The following PDHX variants were observed in gnomAD, a reference collection of about 807,000 sequenced individuals.
PDHX encodes the protein pyruvate dehydrogenase protein X component, mitochondrial.
Under a neutral mutation model 55.3 loss-of-function variants are expected in PDHX, and 33 were observed. The observed-to-expected ratio is 0.60, with a 90% CI of 0.45 to 0.80. PDHX has a LOEUF of 0.80. Ranked by LOEUF, PDHX falls within the 30% of genes least tolerant of loss-of-function variation. The probability of loss-of-function intolerance (pLI) is 0.00; values close to 1 mark genes in which losing one functional copy is unlikely to be tolerated. For synonymous variants in PDHX, 226 were observed against 219.4 expected, an observed-to-expected ratio of 1.03 and a Z score of -0.27; for missense variants, 622 against 619.9, an observed-to-expected ratio of 1.00 and a Z score of -0.04.
chr11:34,930,961 G>A (rs929732906), intron 1 of PDHX, among the ~76,000 whole-genome samples: 3 of 152,114 alleles, frequency 2.0e-5, no homozygotes, highest in East Asian at 3.8e-4. Context: ...TTCTGTTGTC[G>A]ATCATCAGAA....
chr11:34,964,387 T>G (rs1336788986), intron 5 of PDHX, among the ~76,000 whole-genome samples: 1 of 152,158 alleles, frequency 6.6e-6, no homozygotes, highest in Non-Finnish European at 1.5e-5. Flanking sequence ...GCGAATCACT[T>G]GAGGCCAGGA....
intron 6 of PDHX, 44 bp downstream of exon 6, chr11:34,966,858 C>CTT: frequency 1.1e-4 from 135 of 1,262,332 alleles, no homozygotes; most frequent in Middle Eastern, 2.0e-4. Flanking sequence ...TCTTGTTTTT[C>CTT]TTTTTTTTTT....
rs60250721 is a variant in PDHX, at chr11:34,994,838, A to G, written c.1248-76A>G. The G allele has an allele frequency of 5.9e-4, 915 of 1,550,704 alleles. 4 individuals carry two copies. The African/African-American group carries it at 0.011, about 19-fold the overall frequency. On this transcript the variant is annotated intron_variant, in intron 10 of 10. Transcript: ENST00000227868. ...CTTACTACACTGCCTAGTAAAATATATAAAATATGTGCTTCACGGAAAGGG... is the reference window on the plus strand; with the variant it reads ...CTTACTACACTGCCTAGTAAAATATGTAAAATATGTGCTTCACGGAAAGGG...
At chr11:34,992,859 T>C (rs1172647409) in intron 10 of PDHX, among the ~76,000 whole-genome samples, 2 of 152,180 alleles carry the variant, frequency 1.3e-5, no homozygotes, top group Non-Finnish European at 2.9e-5. Context: ...TGTACATTTT[T>C]TGTTGTATAG....
chr11:34,938,492 G>C (rs1408167077), intron 2 of PDHX, among the ~76,000 whole-genome samples: 1 of 152,170 alleles, frequency 6.6e-6, no homozygotes, highest in Non-Finnish European at 1.5e-5. Context: ...TAATCAGTTG[G>C]AATGTGTTTT....
At chr11:34,945,017 G>GT (rs1189760519) in intron 2 of PDHX, among the ~76,000 whole-genome samples, 1 of 151,688 alleles carries the variant, frequency 6.6e-6, no homozygotes, top group Non-Finnish European at 1.5e-5. Context: ...TTTTTCCTCT[G>GT]TTTTTCTAAT....
intron 2 of PDHX, among the ~76,000 whole-genome samples, chr11:34,939,991 A>T (rs1019396394): frequency 2.0e-5 from 3 of 152,230 alleles, no homozygotes; most frequent in Non-Finnish European, 4.4e-5. Context: ...TTTTCAGTTT[A>T]AACTGCACCT....
intron 6 of PDHX, among the ~76,000 whole-genome samples, chr11:34,969,070 G>A (rs1565164361): frequency 6.6e-6 from 1 of 152,024 alleles, no homozygotes; most frequent in Non-Finnish European, 1.5e-5. Context: ...TGATCATCAG[G>A]GCAAACAACC....
chr11:34,940,564 G>GTATAATTT (rs1357486766), intron 2 of PDHX, among the ~76,000 whole-genome samples: 1 of 152,014 alleles, frequency 6.6e-6, no homozygotes, highest in African/African-American at 2.4e-5. Flanking sequence ...CTTTATTGAG[G>GTATAATTT]TATAATTTAC....
At chr11:34,922,140 A>C (rs1447332255) in intron 1 of PDHX, among the ~76,000 whole-genome samples, 1 of 152,218 alleles carries the variant, frequency 6.6e-6, no homozygotes, top group Non-Finnish European at 1.5e-5. Context: ...ATTGACCAGA[A>C]TTGGGTCGTA....
At chr11:34,952,423 T>C (rs1367375750) in intron 3 of PDHX, among the ~76,000 whole-genome samples, 1 of 152,160 alleles carries the variant, frequency 6.6e-6, no homozygotes, top group Non-Finnish European at 1.5e-5. Context: ...TTGGTGAACA[T>C]TGATGCAAAA....
At chr11:34,981,148 C>G (rs1295004817) in intron 8 of PDHX, among the ~76,000 whole-genome samples, 1 of 152,042 alleles carries the variant, frequency 6.6e-6, no homozygotes, top group Non-Finnish European at 1.5e-5. Flanking sequence ...GTCCTTCCCC[C>G]CTCCCCCAAC....
chr11:34,991,863 T>G (rs1043604132), intron 9 of PDHX, among the ~76,000 whole-genome samples: 2 of 125,048 alleles, frequency 1.6e-5, no homozygotes, highest in African/African-American at 6.4e-5. Flanking sequence ...TAGGCCATAA[T>G]CACACCACTG....
chr11:34,951,357 C>T (rs1232492709), intron 3 of PDHX, among the ~76,000 whole-genome samples: 13 of 151,640 alleles, frequency 8.6e-5, no homozygotes, highest in African/African-American at 3.2e-4. Flanking sequence ...CCGCGCCCGG[C>T]CTGTTTCCTG....
intron 1 of PDHX, among the ~76,000 whole-genome samples, chr11:34,929,762 T>C (rs1287540836): frequency 6.6e-6 from 1 of 152,232 alleles, no homozygotes; most frequent in African/African-American, 2.4e-5. Flanking sequence ...ATTGATGAAA[T>C]GGGCGTGTTT....
At chr11:34,988,731 G>C (rs1445876333) in intron 9 of PDHX, among the ~76,000 whole-genome samples, 1 of 152,088 alleles carries the variant, frequency 6.6e-6, no homozygotes, top group Non-Finnish European at 1.5e-5. Flanking sequence ...CCAATCTTTT[G>C]GTTTGGAATT....
At chr11:34,939,524 G>A (rs897092503) in intron 2 of PDHX, among the ~76,000 whole-genome samples, 11 of 150,718 alleles carry the variant, frequency 7.3e-5, no homozygotes, top group African/African-American at 4.9e-5. Flanking sequence ...TGCGCGCAGC[G>A]TTTTACACCA....
chr11:34,972,028 C>T (rs1050107429), intron 7 of PDHX, among the ~76,000 whole-genome samples: 1 of 151,642 alleles, frequency 6.6e-6, no homozygotes, highest in Admixed American at 6.6e-5. Flanking sequence ...AAGTTATTCA[C>T]CACATTACCT....
At chr11:34,976,372 AAT>A (rs1412820550) in intron 7 of PDHX, among the ~76,000 whole-genome samples, 1 of 152,200 alleles carries the variant, frequency 6.6e-6, no homozygotes, top group Non-Finnish European at 1.5e-5. Context: ...ATCTCCTTTC[AAT>A]ATGTTTGGAA....
Sources: allele counts gnomAD v4.1 joint callset (sites outside exome capture counted in the v4.1 genomes callset), GRCh38; gene constraint gnomAD v4.1.1; transcripts MANE v1.5; gene names NCBI Gene and HGNC (gene_info 2026-07-23, HGNC 2026-07-21).